AMDHD1: variants seen among roughly 807,000 people sequenced by gnomAD.
AMDHD1 encodes amidohydrolase domain containing 1.
A neutral mutation model predicts 44.1 loss-of-function variants in AMDHD1; 45 were observed. The ratio of observed to expected loss-of-function variants is 1.02; its 90% confidence interval spans 0.80 to 1.31. The LOEUF (loss-of-function observed/expected upper bound fraction) is 1.31, where lower values mean the gene tolerates loss of function less well. Ranked by LOEUF, AMDHD1 falls within the 50% of genes most tolerant of loss-of-function variation. The probability of loss-of-function intolerance (pLI) is 0.00; values close to 1 mark genes in which losing one functional copy is unlikely to be tolerated. For synonymous variants in AMDHD1, 206 were observed against 205.0 expected, an observed-to-expected ratio of 1.00 and a Z score of -0.04; for missense variants, 586 against 552.1, an observed-to-expected ratio of 1.06 and a Z score of -0.61.
chr12:95,956,016 G>T (rs2080547470), intron 3 of AMDHD1, among the ~76,000 whole-genome samples: 1 of 152,206 alleles, frequency 6.6e-6, no homozygotes, highest in African/African-American at 2.4e-5. Flanking sequence ...GCTGAGGGAT[G>T]GAGGGAGGGC....
intron 1 of AMDHD1, among the ~76,000 whole-genome samples, chr12:95,949,140 T>TA (rs1170844527): frequency 0.061 from 269 of 4,412 alleles, 22 homozygotes; most frequent in Middle Eastern, 0.3. Flanking sequence ...AAAAATAAAT[T>TA]AAAAAAAAAA....
Position 95,967,956 on chromosome 12 carries a change from C to T in AMDHD1, c.*113C>T, listed in dbSNP as rs1204729019. The T allele has an allele frequency of 1.4e-6, 1 of 730,034 alleles. No individual in the cohort carries two copies. The highest frequency in any genetic ancestry group is 1.9e-5 in the African/African-American group (1 of 53,580). 45.2% of individuals were successfully genotyped at this position (730,034 alleles called of 1,614,324 possible). ...ATTATATCACTTAAACCTAAATGTA[C>T]TTCAATGTCTTTTTAAGTCACTCAA... On this transcript the variant is annotated 3_prime_UTR_variant, in exon 9 of 9. Transcript: ENST00000266736.
chr12:95,967,759 G>A lies in AMDHD1; in HGVS notation c.1197G>A (p.Trp399Ter). 6.5e-7 allele frequency: 1 copy of A among 1,538,276 alleles called. No individual in the cohort carries two copies. Among genetic ancestry groups the A allele is most frequent in the Non-Finnish European group, 8.7e-7 (1 of 1,143,128 alleles). ...GDLIIINSSR[W>*]EHLIYQFGGH... ...TTGTTTTTTTTTTTTTTTCTAGATG[G>A]GAGCATTTGATTTACCAGTTCGGAG... The change falls in exon 9 of 9, where the codon TGG becomes TGA. Residue 399 changes from tryptophan (W) to a stop codon, truncating the protein, a stop_gained. Coordinates refer to ENST00000266736, the MANE Select transcript of AMDHD1 (RefSeq NM_152435.3). LOFTEE classifies it high-confidence loss of function.
At chr12:95,962,309 T>C (rs1284709879) in intron 5 of AMDHD1, 46 bp from the exon 6 acceptor site, 3 of 1,579,100 alleles carry the variant, frequency 1.9e-6, no homozygotes, top group Non-Finnish European at 2.6e-6. Flanking sequence ...CATGGATTCG[T>C]TGTTGCTATT....
chr12:95,966,892 C>T (rs1275834428), intron 8 of AMDHD1, among the ~76,000 whole-genome samples: 2 of 152,170 alleles, frequency 1.3e-5, no homozygotes, highest in African/African-American at 2.4e-5. Context: ...TTTCTCATGC[C>T]GACTGGCTCC....
intron 5 of AMDHD1, among the ~76,000 whole-genome samples, chr12:95,962,117 T>C (rs1212676902): frequency 6.6e-6 from 1 of 152,152 alleles, no homozygotes; most frequent in East Asian, 1.9e-4. Flanking sequence ...AATACAAAAG[T>C]TAGCTGGGCA....
chr12:95,965,312 A>G (rs1454651741), intron 6 of AMDHD1, among the ~76,000 whole-genome samples: 1 of 151,942 alleles, frequency 6.6e-6, no homozygotes, highest in East Asian at 1.9e-4. Context: ...AAAAAAAAAA[A>G]AAAAAAAAGC....
At chr12:95,960,688 CTTAA>C (rs1266467809) in intron 5 of AMDHD1, 65 bp downstream of exon 5, 38 of 1,481,864 alleles carry the variant, frequency 2.6e-5, no homozygotes, top group East Asian at 9.1e-5. Context: ...CTATGGGAAA[CTTAA>C]TTAGTTTCTT....
At chr12:95,966,849 T>C (rs1302384246) in intron 8 of AMDHD1, among the ~76,000 whole-genome samples, 2 of 152,246 alleles carry the variant, frequency 1.3e-5, no homozygotes, top group Non-Finnish European at 2.9e-5. Flanking sequence ...AACTCTGGCT[T>C]CTCACTTTGG....
At chr12:95,964,588 G>C (rs750611283) in intron 6 of AMDHD1, among the ~76,000 whole-genome samples, 7 of 151,946 alleles carry the variant, frequency 4.6e-5, no homozygotes, top group Non-Finnish European at 8.8e-5. Context: ...CTCTGTCTCT[G>C]CTTCACTCAC....
chr12:95,953,118 C>A (rs975579212), intron 2 of AMDHD1, among the ~76,000 whole-genome samples: 1 of 152,104 alleles, frequency 6.6e-6, no homozygotes, highest in Non-Finnish European at 1.5e-5. Flanking sequence ...AAACAGACAA[C>A]CTAGGAATCA....
intron 1 of AMDHD1, among the ~76,000 whole-genome samples, chr12:95,945,927 C>T (rs1379608230): frequency 6.6e-6 from 1 of 151,980 alleles, no homozygotes; most frequent in Non-Finnish European, 1.5e-5. Flanking sequence ...TGAGGGACAC[C>T]AGAAACTCCC....
chr12:95,947,751 C>T (rs1434874161), intron 1 of AMDHD1, among the ~76,000 whole-genome samples: 4 of 79,990 alleles, frequency 5.0e-5, no homozygotes, highest in African/African-American at 5.1e-5. Context: ...CCGCCCCGTC[C>T]GGGAGGGAGG....
rs2080559388 is a variant in AMDHD1 at position 95,957,802 on chromosome 12, C to T, written c.587+840C>T. ...GCATAGTGGCTCACACCTGTAATCCCAGCACTTTGGGAGGCCAAGGCAGGT... is the reference window on the plus strand; with the variant it reads ...GCATAGTGGCTCACACCTGTAATCCTAGCACTTTGGGAGGCCAAGGCAGGT... On this transcript the variant is annotated intron_variant, in intron 4 of 8. Transcript: ENST00000266736. 2.0e-5 allele frequency among the ~76,000 whole-genome samples: 3 copies of T among 152,154 alleles called. No individual in the cohort carries two copies. In the South Asian group the frequency reaches 6.2e-4, roughly 32 times the overall value.
intron 1 of AMDHD1, among the ~76,000 whole-genome samples, chr12:95,951,103 T>C (rs1309225605): frequency 6.6e-6 from 1 of 152,214 alleles, no homozygotes; most frequent in Non-Finnish European, 1.5e-5. Context: ...TCGTACTCCC[T>C]CAGTTATTCT....
intron 4 of AMDHD1, among the ~76,000 whole-genome samples, 184 bp from the exon 5 acceptor site, chr12:95,960,214 C>A (rs1192493200): frequency 6.6e-6 from 1 of 152,196 alleles, no homozygotes; most frequent in Non-Finnish European, 1.5e-5. Context: ...TCAATACCTC[C>A]ACTATGTAGA....
In AMDHD1 at chr12:95,956,827, C is replaced by T. The variant is rs746321378; in HGVS notation, c.452C>T (p.Thr151Met). 7 of 1,614,084 alleles carry T rather than the reference C, an allele frequency of 4.3e-6. No homozygotes were observed. The Admixed American group carries it at 8.3e-5, about 19-fold the overall frequency. Residue 151 changes from threonine (T) to methionine (M), a missense_variant, in exon 4 of 9, where the codon ACG becomes ATG. Physicochemically the swap from Thr to Met is moderately conservative, Grantham distance 81. Transcript: ENST00000266736. ...RLQCMMRAGT[T>M]LVECKSGYGL... Reference sequence around the variant, plus strand: ...CAGTGCATGATGAGGGCTGGCACCACGCTGGTGGAGTGCAAGAGTGGATAT... The same window carrying T: ...CAGTGCATGATGAGGGCTGGCACCATGCTGGTGGAGTGCAAGAGTGGATAT...
chr12:95,968,617 G>C lies in AMDHD1; in HGVS notation c.*774G>C, dbSNP rs904792262. On this transcript the variant is annotated 3_prime_UTR_variant, in exon 9 of 9. Transcript: ENST00000266736. ...ATTGTTGTTGTTTCCTTTCAGCCTG[G>C]AAGTAGATCAGCAGCGTTGTCTATT... 5 of 152,172 alleles carry C rather than the reference G, an allele frequency of 3.3e-5. No individual in the cohort carries two copies. Among genetic ancestry groups the C allele is most frequent in the Admixed American group, 2.0e-4 (3 of 15,280 alleles). The allele number at this position is 152,172 out of a possible 1,614,324, so 9.4% of individuals were successfully genotyped here.
At chr12:95,953,673 C>A (rs12306401) in intron 2 of AMDHD1, among the ~76,000 whole-genome samples, 2,237 of 152,220 alleles carry the variant, frequency 0.015, 53 homozygotes, top group African/African-American at 0.05. Flanking sequence ...CCTCCACCTC[C>A]CAGGTTCAAG....
Sources: allele counts gnomAD v4.1 joint callset (sites outside exome capture counted in the v4.1 genomes callset), GRCh38; gene constraint gnomAD v4.1.1; transcripts MANE v1.5; gene names NCBI Gene and HGNC (gene_info 2026-07-23, HGNC 2026-07-21).